Variants in TCEA1 observed in about 807,000 individuals in gnomAD.
The protein encoded by TCEA1 is transcription elongation factor A1.
In TCEA1, 21 loss-of-function variants were observed where a neutral mutation model predicts 43.8. That is an observed-to-expected ratio of 0.48 (90% confidence interval 0.34 to 0.69). The LOEUF (loss-of-function observed/expected upper bound fraction) is 0.69, where lower values mean the gene tolerates loss of function less well. Among genes scored for constraint, TCEA1 ranks in the 30% least tolerant of loss-of-function variants. TCEA1 has a pLI of 0.01. For missense variants in TCEA1, 250 were observed against 365.1 expected (o/e 0.68, Z 2.57); for synonymous variants, 104 against 117.5 (o/e 0.88, Z 0.75).
intron 7 of TCEA1, among the ~76,000 whole-genome samples, chr8:53,984,001 G>A (rs1202881964): frequency 1.3e-5 from 2 of 152,208 alleles, no homozygotes; most frequent in African/African-American, 4.8e-5. Flanking sequence ...TTGGGAGGCT[G>A]AGGCAGGAGA....
chr8:53,997,862 T>C (rs925850740), intron 3 of TCEA1, among the ~76,000 whole-genome samples: 1 of 152,152 alleles, frequency 6.6e-6, no homozygotes, highest in African/African-American at 2.4e-5. Flanking sequence ...GCAAGACCCC[T>C]ATTTCAACAC....
intron 3 of TCEA1, among the ~76,000 whole-genome samples, chr8:53,995,010 C>A (rs902627421): frequency 2.0e-5 from 3 of 152,086 alleles, no homozygotes; most frequent in African/African-American, 7.2e-5. Flanking sequence ...AAAACTGGTG[C>A]CTGCCTGGGG....
intron 8 of TCEA1, chr8:53,972,308 AGAG>A (rs1803182254): frequency 4.5e-6 from 2 of 446,440 alleles, no homozygotes; most frequent in Non-Finnish European, 8.7e-6. Flanking sequence ...ATGAAAATGA[AGAG>A]GAGGATGAAG....
intron 8 of TCEA1, among the ~76,000 whole-genome samples, chr8:53,978,069 T>C (rs1032977250): frequency 6.6e-6 from 1 of 152,144 alleles, no homozygotes; most frequent in African/African-American, 2.4e-5. Flanking sequence ...AGTATAAATA[T>C]ATCAACTTGG....
rs371403648 is a variant in TCEA1, at chr8:53,968,577, C to T, written c.898-465G>A. On this transcript the variant is annotated intron_variant, in intron 9 of 9. Transcript: ENST00000521604. Reference sequence around the variant, plus strand: ...ATGATCCATCAGCTGGGCACGGTGGCTCACACCTGTAATCTCAGCACTTTG... The same window carrying T: ...ATGATCCATCAGCTGGGCACGGTGGTTCACACCTGTAATCTCAGCACTTTG... 9.2e-5 allele frequency among the ~76,000 whole-genome samples: 14 copies of T among 152,236 alleles called. No homozygotes were observed. In the East Asian group the frequency reaches 2.7e-3, roughly 29 times the overall value.
rs1174802537 is a variant in TCEA1, at chr8:53,968,045, A to G, written c.*59T>C. 6 of 1,480,422 alleles carry G rather than the reference A, an allele frequency of 4.1e-6. No individual in the cohort carries two copies. The Admixed American group carries it at 1.2e-4, about 30-fold the overall frequency. 91.7% of individuals were successfully genotyped at this position (1,480,422 alleles called of 1,614,324 possible). ...GAAAACTAGTTGCTTGGCCTAGTTT[A>G]AAGCTAGTTACAAAATCCGTTTTCT... On this transcript the variant is annotated 3_prime_UTR_variant, in exon 10 of 10. Transcript: ENST00000521604.
chr8:53,996,079 G>A (rs1804042863), intron 3 of TCEA1, among the ~76,000 whole-genome samples: 1 of 152,202 alleles, frequency 6.6e-6, no homozygotes, highest in Non-Finnish European at 1.5e-5. Context: ...CATTTAAAAG[G>A]GAAAACTGAT....
chr8:53,983,367 C>A (rs1029425767), intron 7 of TCEA1, among the ~76,000 whole-genome samples: 9 of 152,208 alleles, frequency 5.9e-5, no homozygotes, highest in Non-Finnish European at 8.8e-5. Flanking sequence ...AAGAAAAATT[C>A]ACTCTCTTCA....
intron 4 of TCEA1, among the ~76,000 whole-genome samples, chr8:53,992,885 C>T (rs115194929): frequency 2.4e-4 from 36 of 151,576 alleles, no homozygotes; most frequent in African/African-American, 8.7e-4. Flanking sequence ...GCAAAGGCCT[C>T]ATAGGAGGTG....
intron 2 of TCEA1, among the ~76,000 whole-genome samples, chr8:54,003,702 G>C (rs1248855233): frequency 6.6e-6 from 1 of 151,944 alleles, no homozygotes; most frequent in Non-Finnish European, 1.5e-5. Flanking sequence ...AACTCAATAT[G>C]AACAGGAGTA....
rs148267718 is a variant in TCEA1, at chr8:53,974,652, T to C, written c.826-4189A>G. 4.5e-3 allele frequency among the ~76,000 whole-genome samples: 689 copies of C among 151,932 alleles called. 6 individuals are homozygous for C. Among genetic ancestry groups the C allele is most frequent in the African/African-American group, 0.015 (617 of 41,464 alleles). ...AAGCAATTCTCCTGCCTCAGCCTCC[T>C]AAGTAGCTAGGATTACAGGCAAGCG... On this transcript the variant is annotated intron_variant, in intron 8 of 9. Transcript: ENST00000521604.
In TCEA1 at chr8:54,006,433, C is replaced by T. The variant is rs544009072; in HGVS notation, c.126+3997G>A. ...GGTGGAGGTTGCAGTGAGCCGAGAT[C>T]GTGCCATTGCACTCCAGCCTGGGCA... On this transcript the variant is annotated intron_variant, in intron 2 of 9. Transcript: ENST00000521604. Among the ~76,000 whole-genome samples the T allele has an allele frequency of 2.1e-3, 315 of 152,036 alleles. 1 individual carries two copies. The highest frequency in any genetic ancestry group is 7.2e-3 in the African/African-American group (298 of 41,474).
chr8:53,979,005 A>C lies in TCEA1; in HGVS notation c.825+20T>G. 1 of 1,581,268 alleles carries C rather than the reference A, an allele frequency of 6.3e-7. No individual in the cohort carries two copies. Among genetic ancestry groups the C allele is most frequent in the Non-Finnish European group, 8.6e-7 (1 of 1,161,772 alleles). The stretch of plus-strand genomic sequence containing the variant: ...CAAGCATTTTTATATAAAAATAAGA[A>C]TCTATAAACAATCACAAACCTGTGT... On this transcript the variant is annotated intron_variant, in intron 8 of 9. Transcript: ENST00000521604.
chr8:53,998,545 CA>C (rs1286924787), intron 3 of TCEA1, among the ~76,000 whole-genome samples: 2 of 152,088 alleles, frequency 1.3e-5, no homozygotes, highest in Non-Finnish European at 2.9e-5. Flanking sequence ...GCATGGCCCA[CA>C]ACAGTAATTT....
intron 9 of TCEA1, 103 bp from the exon 10 acceptor site, chr8:53,968,215 A>AT (rs1803047604): frequency 4.2e-6 from 4 of 950,644 alleles, no homozygotes; most frequent in Non-Finnish European, 4.5e-6. Flanking sequence ...AAAAAGATGC[A>AT]TTTTTGAAAA....
intron 5 of TCEA1, among the ~76,000 whole-genome samples, chr8:53,987,716 T>G (rs73680393): frequency 0.026 from 4,023 of 152,294 alleles, 171 homozygotes; most frequent in African/African-American, 0.091. Context: ...TTTTTCTAAC[T>G]AGAAAATGGA....
intron 4 of TCEA1, among the ~76,000 whole-genome samples, chr8:53,989,258 AT>A (rs1375519775): frequency 1.3e-5 from 2 of 152,122 alleles, no homozygotes. Context: ...AATCCTTTCA[AT>A]TGCTTCTGAG....
intron 1 of TCEA1, among the ~76,000 whole-genome samples, chr8:54,017,180 C>T (rs937600620): frequency 1.3e-5 from 2 of 152,020 alleles, no homozygotes; most frequent in Non-Finnish European, 2.9e-5. Flanking sequence ...TTAATAGGTA[C>T]AGGGTTTCTT....
intron 2 of TCEA1, chr8:54,003,110 A>G (rs1444761369): frequency 2.6e-5 from 12 of 456,180 alleles, no homozygotes; most frequent in Admixed American, 1.9e-4. Flanking sequence ...TAAAAAACAT[A>G]TAGCTACTGT....
Sources: gnomAD v4.1 joint callset for allele counts (sites outside exome capture counted in the v4.1 genomes callset) on GRCh38, gnomAD v4.1.1 for gene constraint, MANE v1.5 for transcripts, NCBI Gene and HGNC (gene_info 2026-07-23, HGNC 2026-07-21) for gene names.